ABCC4: variants seen among roughly 807,000 people sequenced by gnomAD.
ABCC4 encodes ATP binding cassette subfamily C member 4 (PEL blood group).
ABCC4 carries 102 observed loss-of-function variants against 168.5 expected under a neutral mutation model. The ratio of observed to expected loss-of-function variants is 0.61; its 90% CI spans 0.52 to 0.71. The LOEUF (loss-of-function observed/expected upper bound fraction) is 0.71. Among genes scored for constraint, ABCC4 ranks in the 30% least tolerant of loss-of-function variants. ABCC4 has a pLI of 0.00. For missense variants in ABCC4, 1,402 were observed against 1,605.8 expected (o/e 0.87, Z 2.17); for synonymous variants, 617 against 590.7 (o/e 1.04, Z -0.65).
intron 14 of ABCC4, 136 bp from the exon 15 acceptor site, chr13:95,166,503 T>G (rs1057299092): frequency 1.4e-6 from 1 of 716,616 alleles, no homozygotes; most frequent in African/African-American, 1.8e-5. Context: ...TTGACAAATC[T>G]AATACAATTC....
intron 11 of ABCC4, among the ~76,000 whole-genome samples, chr13:95,183,004 C>T (rs911445283): frequency 1.7e-4 from 25 of 150,088 alleles, no homozygotes; most frequent in African/African-American, 5.7e-4. Context: ...TCAACTGTAT[C>T]TAGTACAATA....
intron 25 of ABCC4, among the ~76,000 whole-genome samples, chr13:95,064,252 G>GTA (rs763934713): frequency 1.4e-4 from 17 of 118,152 alleles, no homozygotes; most frequent in African/African-American, 2.6e-4. Flanking sequence ...CCGGGTGTGT[G>GTA]TGTGTGTGTA....
chr13:95,155,473 C>T (rs761768054), intron 19 of ABCC4, among the ~76,000 whole-genome samples: 10 of 151,930 alleles, frequency 6.6e-5, no homozygotes, highest in Non-Finnish European at 1.3e-4. Context: ...GCATCTTCCA[C>T]TGGATTAAAA....
intron 1 of ABCC4, among the ~76,000 whole-genome samples, chr13:95,297,216 A>G (rs369020796): frequency 5.3e-5 from 8 of 150,916 alleles, no homozygotes; most frequent in African/African-American, 1.5e-4. Context: ...GGTTGCAGTG[A>G]GCCGAGATCA....
chr13:95,024,396 C>T (rs2031281186), intron 30 of ABCC4, among the ~76,000 whole-genome samples: 1 of 152,060 alleles, frequency 6.6e-6, no homozygotes, highest in Admixed American at 6.5e-5. Context: ...TCTTTTCCTT[C>T]TTCTCTTGAG....
At chr13:95,148,555 T>C (rs2036569369) in intron 19 of ABCC4, among the ~76,000 whole-genome samples, 1 of 149,022 alleles carries the variant, frequency 6.7e-6, no homozygotes. Context: ...ACAAGCTAAC[T>C]AAAAAGTCTC....
intron 19 of ABCC4, among the ~76,000 whole-genome samples, chr13:95,159,404 T>C (rs145699837): frequency 1.5e-4 from 23 of 152,128 alleles, no homozygotes; most frequent in Non-Finnish European, 2.5e-4. Context: ...GTCATGCTAA[T>C]AGATATAGGA....
chr13:95,098,969 T>C (rs1049108568), intron 20 of ABCC4, among the ~76,000 whole-genome samples: 1 of 152,210 alleles, frequency 6.6e-6, no homozygotes, highest in Admixed American at 6.5e-5. Context: ...CTTGTCATAG[T>C]TTGATTTTTG....
chr13:95,159,093 T>TTATATATA (rs554884258), intron 19 of ABCC4, among the ~76,000 whole-genome samples: 5,259 of 60,706 alleles, frequency 0.087, 619 homozygotes, highest in Non-Finnish European at 0.13. Context: ...TAAATAAATT[T>TTATATATA]TATATATATA....
At chr13:95,261,846 C>T (rs551556958) in intron 1 of ABCC4, among the ~76,000 whole-genome samples, 2 of 152,134 alleles carry the variant, frequency 1.3e-5, no homozygotes, top group South Asian at 2.1e-4. Context: ...GCCTATAATA[C>T]CAGCGCTTTG....
chr13:95,163,905 G>A (rs974460893), intron 16 of ABCC4, among the ~76,000 whole-genome samples: 1 of 151,912 alleles, frequency 6.6e-6, no homozygotes, highest in South Asian at 2.1e-4. Context: ...TGGGCATGGT[G>A]GCACATGTGC....
chr13:95,264,824 A>G (rs1327483236), intron 1 of ABCC4, among the ~76,000 whole-genome samples: 1 of 150,000 alleles, frequency 6.7e-6, no homozygotes, highest in Non-Finnish European at 1.5e-5. Context: ...AGAAACATGC[A>G]CTAAAATTTA....
chr13:95,142,381 G>A (rs2036346498), intron 19 of ABCC4, among the ~76,000 whole-genome samples: 1 of 152,168 alleles, frequency 6.6e-6, no homozygotes, highest in South Asian at 2.1e-4. Flanking sequence ...GCTAAGCTAT[G>A]GGGATGCAAA....
chr13:95,102,488 C>T (rs1462577049), intron 20 of ABCC4, among the ~76,000 whole-genome samples: 3 of 152,040 alleles, frequency 2.0e-5, no homozygotes, highest in African/African-American at 4.8e-5. Flanking sequence ...CTCACTATGT[C>T]GCCCAGGCTG....
chr13:95,242,482 T>C (rs2039976023), intron 3 of ABCC4, among the ~76,000 whole-genome samples: 1 of 152,128 alleles, frequency 6.6e-6, no homozygotes, highest in Non-Finnish European at 1.5e-5. Context: ...CGCCTTGGCC[T>C]CCCAAAGTGC....
At chr13:95,034,119 A>G (rs1380237142) in intron 30 of ABCC4, among the ~76,000 whole-genome samples, 1 of 152,258 alleles carries the variant, frequency 6.6e-6, no homozygotes, top group Non-Finnish European at 1.5e-5. Context: ...CAATCTAGGT[A>G]GATCTAGGTA....
rs373666959 is a variant in ABCC4 at position 95,264,530 on chromosome 13, G to T, written c.75-16777C>A. Among the ~76,000 whole-genome samples, 382 of 152,222 alleles carry T rather than the reference G, an allele frequency of 2.5e-3. 3 individuals carry two copies. Among genetic ancestry groups the T allele is most frequent in the African/African-American group, 7.8e-3 (326 of 41,548 alleles). On this transcript the variant is annotated intron_variant, in intron 1 of 30. Transcript: ENST00000645237. Reference sequence around the variant, plus strand: ...CTGAGGATACTGTATTTATTTTTATGGTATTTCTGCTATGAAGTCACATCA... The same window carrying T: ...CTGAGGATACTGTATTTATTTTTATTGTATTTCTGCTATGAAGTCACATCA...
Position 95,074,158 on chromosome 13 carries a change from A to G in ABCC4, c.2917+56T>C, listed in dbSNP as rs2033819172. ...AAGGTGGCAAGAGTTTAATAAATGT[A>G]AACACAGCTATAAATTGTAATCATA... is the stretch of plus-strand genomic sequence containing the variant. On this transcript the variant is annotated intron_variant, in intron 23 of 30. Coordinates refer to ENST00000645237, the MANE Select transcript of ABCC4 (RefSeq NM_005845.5). 3 of 1,364,252 alleles carry G rather than the reference A, an allele frequency of 2.2e-6. No individual in the cohort carries two copies. The East Asian group carries it at 7.1e-5, about 32-fold the overall frequency. 84.5% of individuals were successfully genotyped at this position (1,364,252 alleles called of 1,614,324 possible).
At chr13:95,242,933 T>G (rs984460912) in intron 3 of ABCC4, among the ~76,000 whole-genome samples, 1 of 152,182 alleles carries the variant, frequency 6.6e-6, no homozygotes, top group Admixed American at 6.5e-5. Context: ...TTTAGCTCCC[T>G]GAACTTCACT....
Sources: allele counts gnomAD v4.1 joint callset (sites outside exome capture counted in the v4.1 genomes callset), GRCh38; gene constraint gnomAD v4.1.1; transcripts MANE v1.5; gene names NCBI Gene and HGNC (gene_info 2026-07-23, HGNC 2026-07-21).